The following AK8 variants were observed in gnomAD, a reference collection of about 807,000 sequenced individuals.
AK8 encodes the protein ATP-AMP transphosphorylase 8.
AK8 carries 44 observed loss-of-function variants against 54.6 expected under a neutral mutation model. The ratio of observed to expected loss-of-function variants is 0.81; its 90% CI spans 0.63 to 1.04. AK8 has a LOEUF of 1.04. Among genes scored for constraint, AK8 ranks in the 50% least tolerant of loss-of-function variants. The pLI is 0.00. For synonymous variants in AK8, 239 were observed against 245.6 expected (o/e 0.97, Z 0.25); for missense variants, 555 against 613.6 (o/e 0.90, Z 1.01).
In AK8 at chr9:132,791,241, C is replaced by A. The variant is rs914043744; in HGVS notation, c.1121+1393G>T. Among the ~76,000 whole-genome samples the A allele has an allele frequency of 2.0e-5, 3 of 152,084 alleles. No homozygotes were observed. Among genetic ancestry groups the A allele is most frequent in the African/African-American group, 7.2e-5 (3 of 41,396 alleles). On this transcript the variant is annotated intron_variant, in intron 11 of 12. Transcript: ENST00000298545. The surrounding 1 kb of genome is among the most constrained non-coding windows in gnomAD (Gnocchi z 4.0). ...CAGCAGGAGAGAGACAGAGAGAGAG[C>A]AAAGGGGGAGGTGCCACACTTTAAA...
intron 5 of AK8, among the ~76,000 whole-genome samples, chr9:132,831,593 C>T (rs1842103995): frequency 6.6e-6 from 1 of 152,150 alleles, no homozygotes; most frequent in African/African-American, 2.4e-5. Flanking sequence ...GCTGGGAGCC[C>T]CCGCTTGCTG....
In AK8 at chr9:132,827,029, CCAGT is replaced by C; in HGVS notation, c.578_581del (p.Asp193GlyfsTer61). On this transcript the variant is annotated frameshift_variant, in exon 8 of 13. Transcript: ENST00000298545. LOFTEE classifies it high-confidence loss of function. ...GGTTCTGGATTTCAGATTCGGGTGG[CCAGT>C]CAAAGGTGGTGTGATAAATCTCTAC... 1.2e-6 allele frequency: 2 copies of C among 1,614,184 alleles called. No individual in the cohort carries two copies. The highest frequency in any genetic ancestry group is 8.5e-7 in the Non-Finnish European group (1 of 1,180,022).
At chr9:132,845,846 A>G (rs2131358118) in intron 5 of AK8, among the ~76,000 whole-genome samples, 1 of 152,210 alleles carries the variant, frequency 6.6e-6, no homozygotes, top group East Asian at 1.9e-4. Context: ...AGCTGCAAAC[A>G]CAGAGAGAAT....
chr9:132,833,973 G>A lies in AK8; in HGVS notation c.403-5247C>T, dbSNP rs184449929. Among the ~76,000 whole-genome samples, 57 of 152,342 alleles carry A rather than the reference G, an allele frequency of 3.7e-4. No homozygotes were observed. The East Asian group carries it at 0.01, about 27-fold the overall frequency. The stretch of plus-strand genomic sequence containing the variant: ...CAGGACCAGAGCGTGGGGCTCCCTG[G>A]GTGTTTTCCCCAGTCCTGCCTCTGA... On this transcript the variant is annotated intron_variant, in intron 5 of 12. Transcript: ENST00000298545.
intron 7 of AK8, chr9:132,827,712 C>T (rs1032403891): frequency 2.5e-6 from 1 of 407,584 alleles, no homozygotes; most frequent in East Asian, 4.3e-5. Flanking sequence ...GAGAGGCAGA[C>T]ATGTCCCCTG....
chr9:132,777,955 C>A (rs1839296812), intron 11 of AK8, among the ~76,000 whole-genome samples: 1 of 152,242 alleles, frequency 6.6e-6, no homozygotes, highest in African/African-American at 2.4e-5. Flanking sequence ...GAGGCAAAAA[C>A]CTCAATCCCC....
At chr9:132,862,133 T>C (rs3815183) in intron 4 of AK8, among the ~76,000 whole-genome samples, 30,739 of 151,988 alleles carry the variant, frequency 0.2, 3,400 homozygotes, top group East Asian at 0.44. Context: ...AAAACCATAT[T>C]CCCAGCCCGA....
At chr9:132,841,424 C>T (rs994089116) in intron 5 of AK8, among the ~76,000 whole-genome samples, 4 of 152,230 alleles carry the variant, frequency 2.6e-5, no homozygotes, top group African/African-American at 9.6e-5. Context: ...CCTGCAGCGG[C>T]GTGGGGGTAG....
At chr9:132,845,796 A>T (rs1213331187) in intron 5 of AK8, among the ~76,000 whole-genome samples, 2 of 150,790 alleles carry the variant, frequency 1.3e-5, no homozygotes, top group African/African-American at 4.9e-5. Flanking sequence ...AAAAAAAAAA[A>T]TGACTATTCT....
At chr9:132,838,700 G>C (rs1842422043) in intron 5 of AK8, among the ~76,000 whole-genome samples, 1 of 152,180 alleles carries the variant, frequency 6.6e-6, no homozygotes, top group South Asian at 2.1e-4. Flanking sequence ...TGGGGCTCCT[G>C]TGCTACGGCC....
At chr9:132,832,204 A>G (rs1002910372) in intron 5 of AK8, among the ~76,000 whole-genome samples, 4 of 151,896 alleles carry the variant, frequency 2.6e-5, no homozygotes, top group African/African-American at 9.7e-5. Context: ...TGTTGGAAAA[A>G]TCCAGCAAGC....
intron 5 of AK8, among the ~76,000 whole-genome samples, chr9:132,833,359 T>C (rs944839194): frequency 6.6e-6 from 1 of 152,168 alleles, no homozygotes; most frequent in African/African-American, 2.4e-5. Flanking sequence ...ACCCGACAAC[T>C]GCCATGATGG....
At chr9:132,804,304 C>T (rs979798457) in intron 10 of AK8, among the ~76,000 whole-genome samples, 22 of 152,166 alleles carry the variant, frequency 1.4e-4, no homozygotes, top group African/African-American at 4.1e-4. Flanking sequence ...ATGAGCCCTG[C>T]GGGAGCTGAC....
At chr9:132,801,172 C>T (rs1054359803) in intron 10 of AK8, among the ~76,000 whole-genome samples, 2 of 152,160 alleles carry the variant, frequency 1.3e-5, no homozygotes, top group Non-Finnish European at 2.9e-5. Flanking sequence ...AGGTGATCTG[C>T]CTGCCTCGGC....
rs1280733825 is a variant in AK8 at position 132,790,306 on chromosome 9, AG to A, written c.1121+2327del. 9.9e-5 allele frequency among the ~76,000 whole-genome samples: 15 copies of A among 151,862 alleles called. No homozygotes were observed. Among genetic ancestry groups the A allele is most frequent in the African/African-American group, 3.1e-4 (13 of 41,374 alleles). On this transcript the variant is annotated intron_variant, in intron 11 of 12. Transcript: ENST00000298545. This position sits in a 1 kb window ranked among gnomAD's most constrained non-coding sequence, Gnocchi z 4.1. ...CACTCTGTCGCTCAGGCTGGAGCGC[AG>A]TGGCGTGATCTCAGCTCACTGCAAA...
At chr9:132,796,140 C>A (rs144823761) in intron 10 of AK8, among the ~76,000 whole-genome samples, 36 of 152,356 alleles carry the variant, frequency 2.4e-4, no homozygotes, top group African/African-American at 8.2e-4. Context: ...ATCTAGCCAG[C>A]TGGTGATCAG....
In AK8 at chr9:132,822,311, A is replaced by G. The variant is rs181072736; in HGVS notation, c.889+894T>C. Reference sequence around the variant, plus strand: ...TGTATGTATATACAAATATATACATATATGTGTATGTATATACAAATATAC... The same window carrying G: ...TGTATGTATATACAAATATATACATGTATGTGTATGTATATACAAATATAC... On this transcript the variant is annotated intron_variant, in intron 9 of 12. Coordinates refer to ENST00000298545, the MANE Select transcript of AK8 (RefSeq NM_152572.3). 2.8e-4 allele frequency among the ~76,000 whole-genome samples: 41 copies of G among 146,482 alleles called. 1 individual carries two copies. Among genetic ancestry groups the G allele is most frequent in the African/African-American group, 9.7e-4 (38 of 39,192 alleles).
chr9:132,759,034 C>CA (rs1838325619), intron 11 of AK8, among the ~76,000 whole-genome samples: 1 of 151,222 alleles, frequency 6.6e-6, no homozygotes, highest in African/African-American at 2.4e-5. Context: ...CCTGTCTCTA[C>CA]AAAAAAATAC....
chr9:132,819,629 T>C lies in AK8; in HGVS notation c.889+3576A>G, dbSNP rs186729954. Among the ~76,000 whole-genome samples, 893 of 152,310 alleles carry C rather than the reference T, an allele frequency of 5.9e-3. 8 individuals are homozygous for C. The highest frequency in any genetic ancestry group is 9.3e-3 in the Non-Finnish European group (630 of 68,026). ...AGTAGAGTGAGAATCATTAAGGACA[T>C]AGACGAATTTCAAAATTTGATTAAA... On this transcript the variant is annotated intron_variant, in intron 9 of 12. Coordinates refer to ENST00000298545, the MANE Select transcript of AK8 (RefSeq NM_152572.3).
Sources: gnomAD v4.1 joint callset for allele counts (sites outside exome capture counted in the v4.1 genomes callset) on GRCh38, gnomAD v4.1.1 for gene constraint, Gnocchi (gnomAD v3.1) non-coding constraint, MANE v1.5 for transcripts, NCBI Gene and HGNC (gene_info 2026-07-23, HGNC 2026-07-21) for gene names.